FBXO27: variants seen among roughly 807,000 people sequenced by gnomAD.
FBXO27 encodes the protein F-box protein 27.
FBXO27 carries 28 observed loss-of-function variants against 28.3 expected under a neutral mutation model. The observed-to-expected ratio is 0.99, with a 90% CI of 0.73 to 1.36. FBXO27 has a LOEUF of 1.36. Ranked by LOEUF, FBXO27 falls within the 40% of genes most tolerant of loss-of-function variation. The pLI, the probability that FBXO27 is intolerant of heterozygous loss-of-function variation, is 0.00. For missense variants in FBXO27, 388 were observed against 394.1 expected, an observed-to-expected ratio of 0.98 and a Z score of 0.13; for synonymous variants, 175 against 167.3, an observed-to-expected ratio of 1.05 and a Z score of -0.36.
chr19:39,023,691 G>T (rs111285347), downstream of FBXO27, among the ~76,000 whole-genome samples: 90 of 151,902 alleles, frequency 5.9e-4, no homozygotes, highest in African/African-American at 1.9e-3. Context: ...CTGGCTCACT[G>T]CAACCTCCAC....
At chr19:39,031,801 T>A in intron 2 of FBXO27, 63 bp downstream of exon 2, 5 of 1,408,598 alleles carry the variant, frequency 3.5e-6, no homozygotes, top group Non-Finnish European at 3.7e-6. Context: ...GCCCCGCCCC[T>A]CCGGCCCCGC....
chr19:39,031,867 G>C lies in FBXO27; in HGVS notation c.361C>G (p.Gln121Glu). Residue 121 changes from glutamine to glutamate, a missense_variant, in exon 2 of 6, where the codon CAA (glutamine) becomes GAA (glutamate). Gln to Glu is a conservative substitution (Grantham distance 29, BLOSUM62 2). Transcript: ENST00000292853. ...ACTTCCTCTTCCGAGATCCCACCTT[G>C]GCCGCAGGGGTTGCGAATAAGGTTG... is the stretch of plus-strand genomic sequence containing the variant. ...GRNLIRNPCG[Q>E]EGLRKWMVQH... 1 of 1,478,244 alleles carries C rather than the reference G, an allele frequency of 6.8e-7. No individual in the cohort carries two copies. The highest frequency in any genetic ancestry group is 8.9e-7 in the Non-Finnish European group (1 of 1,126,232). The allele number at this position is 1,478,244 out of a possible 1,614,324, so 91.6% of individuals were successfully genotyped here.
intron 2 of FBXO27, among the ~76,000 whole-genome samples, chr19:39,011,696 G>C (rs1048604217): frequency 0.012 from 690 of 56,804 alleles, 12 homozygotes; most frequent in African/African-American, 0.038. Flanking sequence ...ATGGCGGCGG[G>C]GGAGGGGGGG....
At chr19:39,028,970 T>C (rs1388735423) in intron 4 of FBXO27, among the ~76,000 whole-genome samples, 2 of 138,126 alleles carry the variant, frequency 1.4e-5, no homozygotes, top group East Asian at 4.2e-4. Flanking sequence ...TGAGGCCAGG[T>C]GGTAGAGATT....
intron 1 of FBXO27, among the ~76,000 whole-genome samples, chr19:39,018,955 G>C (rs1381542678): frequency 6.6e-6 from 1 of 151,536 alleles, no homozygotes. Context: ...TGTAATCCCA[G>C]CTACTTGGGA....
At chr19:39,021,934 T>C (rs1450454396), downstream of FBXO27, among the ~76,000 whole-genome samples, 1 of 152,102 alleles carries the variant, frequency 6.6e-6, no homozygotes, top group Non-Finnish European at 1.5e-5. Flanking sequence ...GTGCTGGGAT[T>C]ACAGGTGTGA....
chr19:39,007,070 A>AAAC (rs1555756532), intron 2 of FBXO27, among the ~76,000 whole-genome samples: 2 of 150,056 alleles, frequency 1.3e-5, no homozygotes, highest in Non-Finnish European at 3.0e-5. Flanking sequence ...AAAAAAAAAA[A>AAAC]AAAAAAAATA....
chr19:39,015,046 T>C lies in FBXO27; in HGVS notation c.92-499A>G, dbSNP rs188134765. ...AAAAAAAAAAAAAGGTTGGGGGCAGTGGCTCACACCTGTAATCCCAGCACA... is the reference window on the plus strand; with the variant it reads ...AAAAAAAAAAAAAGGTTGGGGGCAGCGGCTCACACCTGTAATCCCAGCACA... On this transcript the variant is annotated intron_variant, in intron 1 of 2. Coordinates refer to the FBXO27 transcript ENST00000598394. Among the ~76,000 whole-genome samples, 130 of 146,026 alleles carry C rather than the reference T, an allele frequency of 8.9e-4. 6 individuals are homozygous for C. The East Asian group carries it at 0.015, about 17-fold the overall frequency.
At chr19:39,007,728 C>T (rs779018408) in intron 2 of FBXO27, among the ~76,000 whole-genome samples, 4 of 152,120 alleles carry the variant, frequency 2.6e-5, no homozygotes, top group African/African-American at 7.2e-5. Flanking sequence ...CTGCAACCTC[C>T]GCCTCCCAGG....
downstream of FBXO27, among the ~76,000 whole-genome samples, chr19:39,020,755 C>CAAAAAAAAAAAAA (rs61577516): frequency 4.6e-4 from 48 of 105,240 alleles, no homozygotes; most frequent in Non-Finnish European, 7.5e-4. Flanking sequence ...GTGGATATGG[C>CAAAAAAAAAAAAA]AAAAAAAAAA....
At chr19:39,011,922 G>A (rs556332324) in intron 2 of FBXO27, among the ~76,000 whole-genome samples, 65 of 150,628 alleles carry the variant, frequency 4.3e-4, no homozygotes, top group Middle Eastern at 3.4e-3. Context: ...TCCACCTCCC[G>A]GGTTCACGCC....
At chr19:39,029,151 C>A (rs1183558196) in intron 4 of FBXO27, among the ~76,000 whole-genome samples, 1 of 151,312 alleles carries the variant, frequency 6.6e-6, no homozygotes, top group Non-Finnish European at 1.5e-5. Flanking sequence ...GCTGGCCAGG[C>A]ACAGTGGCTT....
intron 1 of FBXO27, among the ~76,000 whole-genome samples, chr19:39,016,995 G>A (rs1488978357): frequency 6.6e-6 from 1 of 152,036 alleles, no homozygotes; most frequent in Non-Finnish European, 1.5e-5. Flanking sequence ...TGAAGCAGGA[G>A]GATCATTTGA....
At chr19:39,009,204 G>A (rs998357932) in intron 2 of FBXO27, among the ~76,000 whole-genome samples, 6 of 152,180 alleles carry the variant, frequency 3.9e-5, no homozygotes, top group Non-Finnish European at 7.3e-5. Flanking sequence ...AAGGACATTT[G>A]CTTGTTTCCA....
chr19:39,007,408 C>A (rs972238010), intron 2 of FBXO27, among the ~76,000 whole-genome samples: 1 of 152,118 alleles, frequency 6.6e-6, no homozygotes, highest in African/African-American at 2.4e-5. Context: ...CCCCAGGTGG[C>A]AGGTGAGCAG....
rs1345856806 is a variant in FBXO27 at position 39,032,140 on chromosome 19, G to T, written c.88C>A (p.Pro30Thr). ...AGCACCACCAGAAGCAGCTCTGGGG[G>T]TAGTTGGCTCAGGTCCAGCGCCTCT... is the stretch of plus-strand genomic sequence containing the variant. ...PEEALDLSQL[P>T]PELLLVVLSH... The change falls in exon 2 of 6, where the codon CCC becomes ACC. Residue 30 changes from proline to threonine, a missense_variant. Pro to Thr is a conservative substitution (Grantham distance 38, BLOSUM62 -1). Coordinates refer to ENST00000292853, the MANE Select transcript of FBXO27 (RefSeq NM_178820.5). The surrounding 1 kb of genome is among the most constrained non-coding windows in gnomAD (Gnocchi z 4.7). The T allele has an allele frequency of 3.2e-6, 5 of 1,544,764 alleles. No individual in the cohort carries two copies. The highest frequency in any genetic ancestry group is 4.3e-6 in the Non-Finnish European group (5 of 1,151,706).
intron 1 of FBXO27, among the ~76,000 whole-genome samples, chr19:39,015,964 C>T (rs1287245311): frequency 1.3e-5 from 2 of 151,840 alleles, no homozygotes; most frequent in South Asian, 2.1e-4. Flanking sequence ...CCCAGCTACT[C>T]GGGAGGCTGA....
At chr19:39,028,256 G>A (rs1348472628) in intron 4 of FBXO27, among the ~76,000 whole-genome samples, 1 of 151,884 alleles carries the variant, frequency 6.6e-6, no homozygotes, top group East Asian at 1.9e-4. Context: ...ACAAATATTG[G>A]TGCCTGGCTC....
intron 4 of FBXO27, among the ~76,000 whole-genome samples, chr19:39,029,363 G>A (rs1215874616): frequency 1.4e-5 from 2 of 147,966 alleles, no homozygotes; most frequent in African/African-American, 2.5e-5. Flanking sequence ...GGAGGTAGAG[G>A]TTGCAGTGAT....
Sources: gnomAD v4.1 joint callset for allele counts (sites outside exome capture counted in the v4.1 genomes callset) on GRCh38, gnomAD v4.1.1 for gene constraint, Gnocchi (gnomAD v3.1) non-coding constraint, MANE v1.5 for transcripts, NCBI Gene and HGNC (gene_info 2026-07-23, HGNC 2026-07-21) for gene names.